The following TSNARE1 variants were observed in gnomAD, a reference collection of about 807,000 sequenced individuals.
TSNARE1 encodes the protein t-SNARE domain-containing protein 1.
A neutral mutation model predicts 62.0 loss-of-function variants in TSNARE1; 49 were observed. The ratio of observed to expected loss-of-function variants is 0.79; its 90% confidence interval spans 0.63 to 1.00. The LOEUF (loss-of-function observed/expected upper bound fraction) is 1.00. Ranked by LOEUF, TSNARE1 falls within the 50% of genes least tolerant of loss-of-function variation. The probability of loss-of-function intolerance (pLI) is 0.00; values close to 1 mark genes in which losing one functional copy is unlikely to be tolerated. For synonymous variants in TSNARE1, 328 were observed against 294.4 expected (o/e 1.11, Z -1.17); for missense variants, 755 against 700.1 (o/e 1.08, Z -0.88).
intron 2 of TSNARE1, among the ~76,000 whole-genome samples, chr8:142,346,657 G>A (rs886336101): frequency 2.6e-5 from 4 of 152,240 alleles, no homozygotes; most frequent in African/African-American, 7.2e-5. Flanking sequence ...TGTTCTTCCC[G>A]GGACGTGTCC....
In TSNARE1 at chr8:142,229,468, C is replaced by A; in HGVS notation, c.*11+5G>T. ...GGATGGTGTACGGGTAGGTGGGGTA[C>A]TCACCACGGGTAGCATCACTTTCGG... On this transcript the variant is annotated splice_donor_5th_base_variant and intron_variant, in intron 13 of 13. Transcript: ENST00000524325. 1 of 1,612,440 alleles carries A rather than the reference C, an allele frequency of 6.2e-7. No individual in the cohort carries two copies. The highest frequency in any genetic ancestry group is 8.5e-7 in the Non-Finnish European group (1 of 1,178,558).
chr8:142,303,396 G>C (rs943265840), intron 9 of TSNARE1, among the ~76,000 whole-genome samples: 1 of 152,204 alleles, frequency 6.6e-6, no homozygotes, highest in Non-Finnish European at 1.5e-5. Context: ...AGGGCCCAGC[G>C]AGGTGCCCCG....
At chr8:142,366,778 C>A (rs545055984) in intron 1 of TSNARE1, among the ~76,000 whole-genome samples, 1 of 152,276 alleles carries the variant, frequency 6.6e-6, no homozygotes, top group South Asian at 2.1e-4. Context: ...TCAGCCAATG[C>A]AGTTAAAACA....
At position 142,285,408 on chromosome 8, in the gene TSNARE1, GTGGATGGA is replaced by G. The variant is rs1159013291; in HGVS notation, c.1291-931_1291-924del. Among the ~76,000 whole-genome samples the G allele has an allele frequency of 6.1e-5, 9 of 146,612 alleles. No individual in the cohort carries two copies. In the South Asian group the frequency reaches 1.1e-3, roughly 18 times the overall value. On this transcript the variant is annotated intron_variant, in intron 10 of 13. Transcript: ENST00000524325. ...GGTGAATGGATGGATGGGTGGGTGG[GTGGATGGA>G]TGGATGGATGGATGGATAGATGTGT...
intron 6 of TSNARE1, among the ~76,000 whole-genome samples, chr8:142,321,476 G>A (rs185786465): frequency 2.0e-5 from 3 of 152,078 alleles, no homozygotes; most frequent in Admixed American, 2.0e-4. Flanking sequence ...GATAATAAAG[G>A]TAAGTTCAAT....
At chr8:142,270,778 G>C in intron 12 of TSNARE1, 2 of 985,394 alleles carry the variant, frequency 2.0e-6, no homozygotes, top group Non-Finnish European at 2.4e-6. Context: ...TGCAGACTTC[G>C]CAGCTGCTGC....
intron 12 of TSNARE1, chr8:142,274,055 C>T (rs1316180441): frequency 1.0e-6 from 1 of 985,240 alleles, no homozygotes; most frequent in Non-Finnish European, 1.2e-6. Context: ...TGCGCTCCCA[C>T]CGTGGCCCAT....
At chr8:142,395,448 G>A (rs888051313) in intron 1 of TSNARE1, among the ~76,000 whole-genome samples, 6 of 150,920 alleles carry the variant, frequency 4.0e-5, no homozygotes, top group Non-Finnish European at 7.4e-5. Flanking sequence ...GCAAAGACAC[G>A]GGGGGCAGGC....
chr8:142,311,040 G>T (rs1827494505), intron 9 of TSNARE1, among the ~76,000 whole-genome samples: 1 of 151,930 alleles, frequency 6.6e-6, no homozygotes, highest in South Asian at 2.1e-4. Context: ...AGTAGAGACG[G>T]GGTTTCACCA....
intron 4 of TSNARE1, among the ~76,000 whole-genome samples, chr8:142,332,350 C>T (rs1831177033): frequency 6.6e-6 from 1 of 152,154 alleles, no homozygotes; most frequent in Non-Finnish European, 1.5e-5. Context: ...TTCCACACAT[C>T]TACCATGTCA....
intron 12 of TSNARE1, chr8:142,269,510 G>A (rs1474485018): frequency 3.0e-6 from 3 of 985,360 alleles, no homozygotes; most frequent in South Asian, 4.7e-5. Flanking sequence ...TTTATTTTCT[G>A]TAGAAGCAAG....
intron 12 of TSNARE1, among the ~76,000 whole-genome samples, chr8:142,238,061 G>A (rs1050970766): frequency 3.9e-5 from 6 of 151,946 alleles, no homozygotes; most frequent in Non-Finnish European, 7.4e-5. Flanking sequence ...AAGCACATCC[G>A]CTTCACCTAA....
At chr8:142,303,487 A>G (rs751178757) in intron 9 of TSNARE1, among the ~76,000 whole-genome samples, 18 of 152,194 alleles carry the variant, frequency 1.2e-4, no homozygotes, top group Non-Finnish European at 1.5e-5. Flanking sequence ...GACCCCAGAC[A>G]CCACACAGGA....
At chr8:142,279,641 G>A (rs1043824211) in intron 11 of TSNARE1, among the ~76,000 whole-genome samples, 2 of 152,154 alleles carry the variant, frequency 1.3e-5, no homozygotes, top group East Asian at 1.9e-4. Context: ...TTCCACTACC[G>A]AGACAGGCAG....
rs139212576 is a variant in TSNARE1 at position 142,398,500 on chromosome 8, T to A, written c.-40+4604A>T. On this transcript the variant is annotated intron_variant, in intron 1 of 13. Transcript: ENST00000524325. ...ACCTCCTCACTCCACCGCCTCAACC[T>A]TGCTCTGTAAGGTGCCCTCTCCACC... is the stretch of plus-strand genomic sequence containing the variant. Among the ~76,000 whole-genome samples the A allele has an allele frequency of 3.3e-3, 496 of 150,072 alleles. 3 individuals are homozygous for A. The highest frequency in any genetic ancestry group is 0.011 in the African/African-American group (463 of 40,778).
chr8:142,342,884 C>A (rs566761595), intron 4 of TSNARE1, among the ~76,000 whole-genome samples: 1 of 151,880 alleles, frequency 6.6e-6, no homozygotes, highest in East Asian at 1.9e-4. Flanking sequence ...TGTCCCAGCA[C>A]CTGCCCGGGC....
rs186736325 is a variant in TSNARE1 at position 142,276,405 on chromosome 8, C to G, written c.1364-1542G>C. 5.9e-3 allele frequency: 5,796 copies of G among 985,466 alleles called. 18 individuals are homozygous for G. Among genetic ancestry groups the G allele is most frequent in the Middle Eastern group, 0.016 (30 of 1,914 alleles). 61.0% of individuals were successfully genotyped at this position (985,466 alleles called of 1,614,324 possible). On this transcript the variant is annotated intron_variant, in intron 11 of 13. Transcript: ENST00000524325. ...TGCCACTCAGGAGGGACCAGCCTGC[C>G]AGGGAGGAGGCGCTAGCCTGGGCCC...
At position 142,343,928 on chromosome 8, in the gene TSNARE1, G is replaced by C. The variant is rs369288859; in HGVS notation, c.745+38C>G. The C allele has an allele frequency of 5.0e-5, 75 of 1,493,294 alleles. No individual in the cohort carries two copies. The African/African-American group carries it at 7.6e-4, about 15-fold the overall frequency. 92.5% of individuals were successfully genotyped at this position (1,493,294 alleles called of 1,614,324 possible). On this transcript the variant is annotated intron_variant, in intron 4 of 13. Transcript: ENST00000524325. ...GGGCCCCCCCCTCCTGCTGGACAGA[G>C]TGGCACCCTAGCAAGGTGAGCTGAG... is the stretch of plus-strand genomic sequence containing the variant.
chr8:142,277,219 C>T (rs1820646666), intron 11 of TSNARE1: 3 of 985,294 alleles, frequency 3.0e-6, no homozygotes, highest in South Asian at 4.7e-5. Flanking sequence ...GCCCCTTGCA[C>T]ATCCCCTGAC....
Sources: gnomAD v4.1 joint callset for allele counts (sites outside exome capture counted in the v4.1 genomes callset) on GRCh38, gnomAD v4.1.1 for gene constraint, MANE v1.5 for transcripts, NCBI Gene and HGNC (gene_info 2026-07-23, HGNC 2026-07-21) for gene names.